SLC22A3: variants seen among roughly 807,000 people sequenced by gnomAD.
SLC22A3 encodes solute carrier family 22 member 3.
In SLC22A3, 51 loss-of-function variants were observed where a neutral mutation model predicts 59.1. That is an observed-to-expected ratio of 0.86 (90% CI 0.69 to 1.09). The LOEUF is 1.09. Among genes scored for constraint, SLC22A3 ranks in the 50% least tolerant of loss-of-function variants. The probability of loss-of-function intolerance (pLI) is 0.00; values close to 1 mark genes in which losing one functional copy is unlikely to be tolerated. For missense variants in SLC22A3, 711 were observed against 726.3 expected, an observed-to-expected ratio of 0.98 and a Z score of 0.24; for synonymous variants, 325 against 292.0, an observed-to-expected ratio of 1.11 and a Z score of -1.15.
At chr6:160,354,898 C>G (rs1352399841) in intron 1 of SLC22A3, among the ~76,000 whole-genome samples, 2 of 152,170 alleles carry the variant, frequency 1.3e-5, no homozygotes, top group African/African-American at 4.8e-5. Flanking sequence ...GCTAGAGAGG[C>G]CACGTGTCTG....
In SLC22A3 at chr6:160,414,597, G is replaced by C. The variant is rs150857331; in HGVS notation, c.975+3751G>C. Reference sequence around the variant, plus strand: ...TTGACTCACAGTTCTGCAGGGCTGGGGAGGCCTCAGGAAACTTACAATCAT... The same window carrying C: ...TTGACTCACAGTTCTGCAGGGCTGGCGAGGCCTCAGGAAACTTACAATCAT... On this transcript the variant is annotated intron_variant, in intron 5 of 10. Coordinates refer to ENST00000275300, the MANE Select transcript of SLC22A3 (RefSeq NM_021977.4). 3.3e-3 allele frequency among the ~76,000 whole-genome samples: 495 copies of C among 152,292 alleles called. 3 individuals carry two copies. The highest frequency in any genetic ancestry group is 0.011 in the African/African-American group (473 of 41,554).
At chr6:160,406,038 G>T (rs79713278) in intron 2 of SLC22A3, among the ~76,000 whole-genome samples, 2,035 of 152,220 alleles carry the variant, frequency 0.013, 41 homozygotes, top group Middle Eastern at 0.075. Context: ...CATAGAATTT[G>T]CAACATCAAG....
chr6:160,387,650 C>G (rs1786076087), intron 1 of SLC22A3, among the ~76,000 whole-genome samples: 1 of 152,056 alleles, frequency 6.6e-6, no homozygotes, highest in Non-Finnish European at 1.5e-5. Flanking sequence ...TAGGCGTCAC[C>G]TTAGGAAATG....
chr6:160,348,983 A>C, intron 1 of SLC22A3, 135 bp downstream of exon 1: 1 of 1,512,508 alleles, frequency 6.6e-7, no homozygotes, highest in African/African-American at 1.4e-5. Flanking sequence ...CTCTGGGGAC[A>C]GACAGGATTC....
chr6:160,406,423 C>T (rs1489092261), intron 2 of SLC22A3, among the ~76,000 whole-genome samples: 2 of 152,142 alleles, frequency 1.3e-5, no homozygotes, highest in Non-Finnish European at 2.9e-5. Context: ...GTTCCTTTTC[C>T]TAAACTATTT....
chr6:160,348,818 C>A lies in SLC22A3; in HGVS notation c.399C>A (p.Tyr133Ter). 6.3e-7 allele frequency: 1 copy of A among 1,581,786 alleles called. No individual in the cohort carries two copies. The highest frequency in any genetic ancestry group is 2.3e-5 in the East Asian group (1 of 43,896). The change falls in exon 1 of 11, where the codon TAC becomes TAA. Residue 133 changes from tyrosine (Y) to a stop codon, truncating the protein, a stop_gained. Coordinates refer to ENST00000275300, the MANE Select transcript of SLC22A3 (RefSeq NM_021977.4). LOFTEE classifies it high-confidence loss of function. ...PLVPCRGGWR[Y>*]AQAHSTIVSE... ...TGCCGTGCCGCGGCGGCTGGCGCTA[C>A]GCCCAGGCCCACTCCACCATCGTCA... is the stretch of plus-strand genomic sequence containing the variant.
chr6:160,376,071 T>C (rs1785578764), intron 1 of SLC22A3, among the ~76,000 whole-genome samples: 2 of 152,104 alleles, frequency 1.3e-5, no homozygotes, highest in Non-Finnish European at 2.9e-5. Context: ...AAAAAGTGAA[T>C]TTTACAATAG....
intron 10 of SLC22A3, among the ~76,000 whole-genome samples, chr6:160,448,382 T>A (rs541411655): frequency 2.6e-5 from 4 of 152,142 alleles, no homozygotes; most frequent in Non-Finnish European, 5.9e-5. Flanking sequence ...GGATGATAGA[T>A]AGATATAATA....
chr6:160,425,373 A>G (rs1239016091), intron 5 of SLC22A3, among the ~76,000 whole-genome samples: 1 of 152,164 alleles, frequency 6.6e-6, no homozygotes, highest in African/African-American at 2.4e-5. Flanking sequence ...TCCTCCATTT[A>G]TTCAGCAGAT....
rs1431054682 is a variant in SLC22A3 at position 160,415,622 on chromosome 6, G to A, written c.975+4776G>A. ...CAGTAACTTCTGACTTTTAGAAGAC[G>A]TTATCACTGTGTAAATGACCTCATC... On this transcript the variant is annotated intron_variant, in intron 5 of 10. Transcript: ENST00000275300. This position sits in a 1 kb window ranked among gnomAD's most constrained non-coding sequence, Gnocchi z 4.1. Among the ~76,000 whole-genome samples the A allele has an allele frequency of 6.6e-6, 1 of 152,106 alleles. No individual in the cohort carries two copies. The highest frequency in any genetic ancestry group is 1.5e-5 in the Non-Finnish European group (1 of 68,020).
chr6:160,425,836 A>G (rs1787931241), intron 5 of SLC22A3: 1 of 985,318 alleles, frequency 1.0e-6, no homozygotes, highest in African/African-American at 1.7e-5. Flanking sequence ...TGAACACAAT[A>G]TAACATTAAT....
At chr6:160,403,098 G>A (rs1786856407) in intron 2 of SLC22A3, among the ~76,000 whole-genome samples, 1 of 151,034 alleles carries the variant, frequency 6.6e-6, no homozygotes, top group South Asian at 2.1e-4. Flanking sequence ...CCAAAAGCTG[G>A]TTATTTGAAA....
At chr6:160,389,984 A>G (rs1786184905) in intron 1 of SLC22A3, among the ~76,000 whole-genome samples, 1 of 152,260 alleles carries the variant, frequency 6.6e-6, no homozygotes, top group Non-Finnish European at 1.5e-5. Context: ...AAATCAATGC[A>G]GTGACTCAAG....
intron 1 of SLC22A3, among the ~76,000 whole-genome samples, chr6:160,369,220 CAT>C (rs1394277333): frequency 6.6e-6 from 1 of 152,196 alleles, no homozygotes; most frequent in African/African-American, 2.4e-5. Context: ...CAAAGCCTGA[CAT>C]AGTGTATTGA....
chr6:160,355,371 G>C (rs1028592387), intron 1 of SLC22A3, among the ~76,000 whole-genome samples: 9 of 152,140 alleles, frequency 5.9e-5, no homozygotes, highest in Admixed American at 4.6e-4. Context: ...AGCCCCCGGG[G>C]CTCCCACTCT....
At chr6:160,387,320 C>T (rs1786060822) in intron 1 of SLC22A3, among the ~76,000 whole-genome samples, 1 of 152,170 alleles carries the variant, frequency 6.6e-6, no homozygotes, top group Non-Finnish European at 1.5e-5. Flanking sequence ...AGGCCAAAGA[C>T]AAACTCTTCT....
At chr6:160,448,030 T>C (rs568759077) in intron 10 of SLC22A3, among the ~76,000 whole-genome samples, 10 of 152,264 alleles carry the variant, frequency 6.6e-5, no homozygotes. Flanking sequence ...TTTTTTTTAA[T>C]GTGGTTGTGA....
At chr6:160,377,283 G>A (rs1420587211) in intron 1 of SLC22A3, among the ~76,000 whole-genome samples, 2 of 152,028 alleles carry the variant, frequency 1.3e-5, no homozygotes, top group Admixed American at 6.6e-5. Flanking sequence ...TCAGGAGTTC[G>A]AGACCAGCCT....
At chr6:160,396,462 C>T (rs79583929) in intron 1 of SLC22A3, among the ~76,000 whole-genome samples, 2,995 of 152,172 alleles carry the variant, frequency 0.02, 93 homozygotes, top group Middle Eastern at 0.11. Flanking sequence ...TCTTGGCATA[C>T]AGCTGAGAAG....
Sources: gnomAD v4.1 joint callset for allele counts (sites outside exome capture counted in the v4.1 genomes callset) on GRCh38, gnomAD v4.1.1 for gene constraint, Gnocchi (gnomAD v3.1) non-coding constraint, MANE v1.5 for transcripts, NCBI Gene and HGNC (gene_info 2026-07-23, HGNC 2026-07-21) for gene names.